CWC27: variants seen among roughly 807,000 people sequenced by gnomAD.
CWC27 encodes spliceosome-associated protein CWC27 homolog.
Under a neutral mutation model 63.6 loss-of-function variants are expected in CWC27, and 47 were observed. The ratio of observed to expected loss-of-function variants is 0.74; its 90% CI spans 0.58 to 0.94. The LOEUF (loss-of-function observed/expected upper bound fraction) is 0.94, where lower values mean the gene tolerates loss of function less well. Ranked by LOEUF, CWC27 falls within the 40% of genes least tolerant of loss-of-function variation. CWC27 has a pLI of 0.00. For missense variants in CWC27, 495 were observed against 554.3 expected (o/e 0.89, Z 1.07); for synonymous variants, 175 against 179.8 (o/e 0.97, Z 0.22).
chr5:64,851,928 TCTAA>T (rs149831312), intron 10 of CWC27, among the ~76,000 whole-genome samples: 1,644 of 152,304 alleles, frequency 0.011, 23 homozygotes, highest in African/African-American at 0.037. Flanking sequence ...AGGTGAGAAT[TCTAA>T]CTCTTTTAGA....
At chr5:64,826,202 A>G (rs1166835583) in intron 10 of CWC27, among the ~76,000 whole-genome samples, 1 of 152,040 alleles carries the variant, frequency 6.6e-6, no homozygotes, top group Non-Finnish European at 1.5e-5. Flanking sequence ...TCTCATTTTC[A>G]TTCAGCTCAA....
intron 11 of CWC27, among the ~76,000 whole-genome samples, chr5:64,909,151 T>C (rs1747729857): frequency 6.6e-6 from 1 of 152,216 alleles, no homozygotes; most frequent in Admixed American, 6.5e-5. Flanking sequence ...GAAGTTTAGT[T>C]TGGCTGGATA....
chr5:64,875,662 C>T (rs1422985686), intron 10 of CWC27, among the ~76,000 whole-genome samples: 2 of 152,110 alleles, frequency 1.3e-5, no homozygotes, highest in Non-Finnish European at 2.9e-5. Flanking sequence ...TTACATTTCT[C>T]ACTTGCATAG....
At chr5:64,818,776 A>C (rs1011340928) in intron 10 of CWC27, among the ~76,000 whole-genome samples, 2 of 152,202 alleles carry the variant, frequency 1.3e-5, no homozygotes, top group African/African-American at 4.8e-5. Flanking sequence ...GAAATCAAAG[A>C]CCAGGATAAC....
In CWC27 at chr5:64,768,963, G is replaced by A. The variant is rs1025757723; in HGVS notation, c.-184G>A. The A allele has an allele frequency of 1.0e-5, 6 of 591,224 alleles. No homozygotes were observed. Among genetic ancestry groups the A allele is most frequent in the Non-Finnish European group, 1.5e-5 (5 of 330,868 alleles). 36.6% of individuals were successfully genotyped at this position (591,224 alleles called of 1,614,324 possible). ...TCGGGTCCGGTAACAACATGGCGGC[G>A]TCCGTGAGGGGCTCCTTTGGGCAGG... is the stretch of plus-strand genomic sequence containing the variant. On this transcript the variant is annotated 5_prime_UTR_variant, in exon 1 of 14. Transcript: ENST00000381070.
At chr5:64,987,933 G>T (rs754850619) in intron 13 of CWC27, among the ~76,000 whole-genome samples, 1 of 152,074 alleles carries the variant, frequency 6.6e-6, no homozygotes, top group African/African-American at 2.4e-5. Flanking sequence ...GTGTGATGTT[G>T]GCTATGCTTC....
intron 10 of CWC27, among the ~76,000 whole-genome samples, chr5:64,880,853 C>CTTTTTTTTTTTTTTTTTT (rs571051416): frequency 7.3e-6 from 1 of 136,078 alleles, no homozygotes. Flanking sequence ...TTATAAAAGC[C>CTTTTTTTTTTTTTTTTTT]ATTTTTTTTT....
rs189757855 is a variant in CWC27, at chr5:64,914,941, A to G, written c.1042+29395A>G. 4.3e-3 allele frequency among the ~76,000 whole-genome samples: 650 copies of G among 152,304 alleles called. 2 individuals are homozygous for G. Among genetic ancestry groups the G allele is most frequent in the Middle Eastern group, 0.014 (4 of 294 alleles). Reference sequence around the variant, plus strand: ...AATGAAAGAACTATAGCTGCACACAACAATGTAGATAAATCTTACAAACAT... The same window carrying G: ...AATGAAAGAACTATAGCTGCACACAGCAATGTAGATAAATCTTACAAACAT... On this transcript the variant is annotated intron_variant, in intron 11 of 13. Coordinates refer to ENST00000381070, the MANE Select transcript of CWC27 (RefSeq NM_005869.4).
chr5:64,777,807 C>G (rs1743509648), intron 2 of CWC27, among the ~76,000 whole-genome samples: 1 of 151,834 alleles, frequency 6.6e-6, no homozygotes, highest in South Asian at 2.1e-4. Flanking sequence ...ATAAATACAA[C>G]TATAAATGCA....
intron 11 of CWC27, among the ~76,000 whole-genome samples, chr5:64,926,324 A>T (rs2112396404): frequency 6.6e-6 from 1 of 151,552 alleles, no homozygotes; most frequent in East Asian, 1.9e-4. Flanking sequence ...CTTGACTCTC[A>T]TATATCTTAG....
chr5:64,907,558 T>C (rs975185412), intron 11 of CWC27, among the ~76,000 whole-genome samples: 1 of 152,348 alleles, frequency 6.6e-6, no homozygotes, highest in South Asian at 2.1e-4. Context: ...TTAAGGAGAT[T>C]GTGGGCTGAG....
chr5:64,986,696 A>C, intron 13 of CWC27, among the ~76,000 whole-genome samples: 1 of 149,436 alleles, frequency 6.7e-6, no homozygotes, highest in Admixed American at 6.6e-5. Context: ...CCCCCCCCGG[A>C]CTGGGCCCCC....
chr5:64,890,911 A>C (rs982065703), intron 11 of CWC27, among the ~76,000 whole-genome samples: 1 of 152,194 alleles, frequency 6.6e-6, no homozygotes, highest in Non-Finnish European at 1.5e-5. Context: ...CTAGCCCAGT[A>C]TTTTATTGGG....
chr5:64,973,589 A>T (rs891114207), intron 12 of CWC27, among the ~76,000 whole-genome samples: 2 of 152,208 alleles, frequency 1.3e-5, no homozygotes, highest in Non-Finnish European at 1.5e-5. Context: ...TCTTCTTCAC[A>T]CTATAACAAA....
intron 13 of CWC27, among the ~76,000 whole-genome samples, chr5:65,003,592 G>A (rs772616314): frequency 2.0e-5 from 3 of 152,102 alleles, no homozygotes; most frequent in Non-Finnish European, 2.9e-5. Flanking sequence ...GTGGTCTAGT[G>A]GGGAAATCCC....
chr5:64,840,208 C>T (rs1351222415), intron 10 of CWC27, among the ~76,000 whole-genome samples: 1 of 151,392 alleles, frequency 6.6e-6, no homozygotes, highest in Non-Finnish European at 1.5e-5. Context: ...CGAAGACCAA[C>T]AGCAGGAGCC....
intron 11 of CWC27, among the ~76,000 whole-genome samples, chr5:64,952,103 T>A (rs1441486419): frequency 6.6e-6 from 1 of 151,984 alleles, no homozygotes; most frequent in Non-Finnish European, 1.5e-5. Context: ...TATTTGCATA[T>A]AACCCAAGTG....
At chr5:64,815,629 A>G (rs1745004424) in intron 10 of CWC27, among the ~76,000 whole-genome samples, 1 of 152,160 alleles carries the variant, frequency 6.6e-6, no homozygotes, top group African/African-American at 2.4e-5. Flanking sequence ...TATTCCTGGC[A>G]GCCTGGAGGA....
chr5:64,850,790 G>A (rs1746114021), intron 10 of CWC27, among the ~76,000 whole-genome samples: 1 of 151,984 alleles, frequency 6.6e-6, no homozygotes, highest in Admixed American at 6.6e-5. Context: ...GACACAAATG[G>A]CCAACAGATA....
Sources: allele counts gnomAD v4.1 joint callset (sites outside exome capture counted in the v4.1 genomes callset), GRCh38; gene constraint gnomAD v4.1.1; transcripts MANE v1.5; gene names NCBI Gene and HGNC (gene_info 2026-07-23, HGNC 2026-07-21).